Variants in SMC6 observed in about 807,000 individuals in gnomAD.
The protein encoded by SMC6 is structural maintenance of chromosomes protein 6.
Under a neutral mutation model 142.2 loss-of-function variants are expected in SMC6, and 79 were observed. The ratio of observed to expected loss-of-function variants is 0.56; its 90% CI spans 0.46 to 0.67. The LOEUF is 0.67. Among genes scored for constraint, SMC6 ranks in the 30% least tolerant of loss-of-function variants. SMC6 has a pLI of 0.00. For synonymous variants in SMC6, 411 were observed against 412.4 expected (o/e 1.00, Z 0.04); for missense variants, 1,072 against 1,284.0 (o/e 0.83, Z 2.52).
intron 9 of SMC6, 113 bp from the exon 10 acceptor site, chr2:17,721,374 G>A (rs538404485): frequency 9.7e-6 from 10 of 1,026,890 alleles, no homozygotes; most frequent in East Asian, 3.0e-5. Context: ...ATAAATATTC[G>A]TTTAAAAATA....
chr2:17,693,665 G>A (rs1441973086), intron 23 of SMC6, among the ~76,000 whole-genome samples: 2 of 151,812 alleles, frequency 1.3e-5, no homozygotes, highest in African/African-American at 4.8e-5. Flanking sequence ...TTGTGCACAT[G>A]TACCCTAAAA....
At chr2:17,736,752 G>T (rs1345391976) in intron 5 of SMC6, among the ~76,000 whole-genome samples, 1 of 151,518 alleles carries the variant, frequency 6.6e-6, no homozygotes, top group Admixed American at 6.6e-5. Context: ...CATGGCTGTA[G>T]TCCCAGCTAC....
intron 4 of SMC6, among the ~76,000 whole-genome samples, chr2:17,739,845 G>GAC (rs776038205): frequency 0.011 from 1,257 of 110,518 alleles, 14 homozygotes; most frequent in South Asian, 0.052. Flanking sequence ...CACACACACA[G>GAC]ACACACACAC....
chr2:17,684,776 T>C (rs1032851763), intron 23 of SMC6, among the ~76,000 whole-genome samples: 1 of 152,050 alleles, frequency 6.6e-6, no homozygotes, highest in African/African-American at 2.4e-5. Flanking sequence ...CAGTGAGCCA[T>C]GATTGTACCA....
chr2:17,726,415 A>T lies in SMC6; in HGVS notation c.598T>A (p.Ser200Thr), dbSNP rs1669628071. ...TTGTATTTGTCTCCTTCATTTTTAG[A>T]CTGTAAGAACTGCTTGCTCATTTCT... Reference protein sequence around the residue: ...TQEMSKQFLQSKNEGDKYKFF... With the variant: ...TQEMSKQFLQTKNEGDKYKFF... Residue 200 changes from serine to threonine, a missense_variant, in exon 8 of 28, where the codon TCT becomes ACT. By Grantham distance (58) the Ser-to-Thr change is moderately conservative. This residue lies in a region of SMC6 where 994 missense variants were observed against 1,153.2 expected (regional missense o/e 0.86). Transcript: ENST00000448223. 6.2e-7 allele frequency: 1 copy of T among 1,611,860 alleles called. No individual in the cohort carries two copies. Among genetic ancestry groups the T allele is most frequent in the Non-Finnish European group, 8.5e-7 (1 of 1,179,360 alleles).
At chr2:17,728,281 C>T (rs1306329410) in intron 7 of SMC6, among the ~76,000 whole-genome samples, 4 of 152,002 alleles carry the variant, frequency 2.6e-5, no homozygotes, top group African/African-American at 9.7e-5. Flanking sequence ...ACAAAAAGTA[C>T]AAAAATTAGC....
intron 2 of SMC6, among the ~76,000 whole-genome samples, chr2:17,749,674 C>T (rs1043715402): frequency 2.6e-5 from 4 of 151,438 alleles, no homozygotes; most frequent in African/African-American, 2.4e-5. Context: ...GGTGACAGAG[C>T]GATACTCCGT....
intron 16 of SMC6, among the ~76,000 whole-genome samples, chr2:17,714,528 G>C (rs1193827768): frequency 6.6e-6 from 1 of 152,152 alleles, no homozygotes; most frequent in East Asian, 1.9e-4. Context: ...AACACCTTCA[G>C]AATTTAACTG....
At chr2:17,723,023 G>A (rs4619612) in intron 9 of SMC6, among the ~76,000 whole-genome samples, 75,790 of 148,788 alleles carry the variant, frequency 0.51, 21,641 homozygotes, top group African/African-American at 0.77. Context: ...AGAAAAGAAA[G>A]GAAAAAAAAA....
rs1270287408 is a variant in SMC6, at chr2:17,753,809, C to A, written c.-276G>T. On this transcript the variant is annotated 5_prime_UTR_variant, in exon 1 of 28. Transcript: ENST00000448223. ...GCCCCGGCGCCCACCGCGGTACTAA[C>A]CGCGCCTGCGCCCCGCCCTCCCTCC... is the stretch of plus-strand genomic sequence containing the variant. The A allele has an allele frequency of 6.6e-6, 1 of 152,300 alleles. No homozygotes were observed. The highest frequency in any genetic ancestry group is 1.5e-5 in the Non-Finnish European group (1 of 68,134). The allele number at this position is 152,300 out of a possible 1,614,324, so 9.4% of individuals were successfully genotyped here. A position where few individuals can be genotyped will look rare whatever the true frequency, so the allele number is the denominator to read the frequency against.
At chr2:17,675,362 G>C (rs1173104817) in intron 25 of SMC6, among the ~76,000 whole-genome samples, 1 of 152,030 alleles carries the variant, frequency 6.6e-6, no homozygotes, top group African/African-American at 2.4e-5. Flanking sequence ...AGACTTGGGT[G>C]TCTATTCAGC....
chr2:17,684,595 G>T (rs1667367709), intron 23 of SMC6, among the ~76,000 whole-genome samples: 1 of 152,188 alleles, frequency 6.6e-6, no homozygotes, highest in African/African-American at 2.4e-5. Flanking sequence ...AGGCCAAGAT[G>T]AGAGGATCGT....
At chr2:17,746,964 T>C (rs1027120309) in intron 2 of SMC6, among the ~76,000 whole-genome samples, 1 of 152,184 alleles carries the variant, frequency 6.6e-6, no homozygotes, top group African/African-American at 2.4e-5. Context: ...ATACCATGTA[T>C]ATACCTGGCT....
chr2:17,667,788 C>T lies in SMC6; in HGVS notation c.3064-1271G>A, dbSNP rs557006999. Among the ~76,000 whole-genome samples the T allele has an allele frequency of 9.2e-5, 14 of 152,178 alleles. No homozygotes were observed. In the South Asian group the frequency reaches 1.9e-3, roughly 20 times the overall value. ...TCAATTGAATCCAGGAGGCGGAGGTCGCAGTGAGCTGAAATCACGCCACTG... is the reference window on the plus strand; with the variant it reads ...TCAATTGAATCCAGGAGGCGGAGGTTGCAGTGAGCTGAAATCACGCCACTG... On this transcript the variant is annotated intron_variant, in intron 26 of 27. Coordinates refer to ENST00000448223, the MANE Select transcript of SMC6 (RefSeq NM_001142286.2).
intron 5 of SMC6, 29 bp from the exon 6 acceptor site, chr2:17,731,906 A>G (rs1669930866): frequency 1.2e-6 from 2 of 1,605,384 alleles, no homozygotes; most frequent in Non-Finnish European, 1.7e-6. Flanking sequence ...GCTAAGTTAC[A>G]TGAAGATACA....
intron 17 of SMC6, 79 bp from the exon 18 acceptor site, chr2:17,707,458 G>A (rs973034103): frequency 1.1e-5 from 9 of 829,668 alleles, no homozygotes; most frequent in East Asian, 3.2e-5. Flanking sequence ...AATGTTACTC[G>A]TCCTTATTAT....
Position 17,707,252 on chromosome 2 carries a change from T to C in SMC6, c.1973A>G (p.Lys658Arg). ...RYYSSENTRP[K>R]FLSRDVDSEI... ...AGAATCCACATCTCTGCTTAGGAAC[T>C]TAGGTCTTGTATTTTCAGATGAATA... The change falls in exon 18 of 28, where the codon AAG becomes AGG. Residue 658 changes from lysine (K) to arginine (R), a missense_variant. Coordinates refer to ENST00000448223, the MANE Select transcript of SMC6 (RefSeq NM_001142286.2). 1 of 1,601,010 alleles carries C rather than the reference T, an allele frequency of 6.2e-7. No homozygotes were observed. Among genetic ancestry groups the C allele is most frequent in the Non-Finnish European group, 8.5e-7 (1 of 1,174,664 alleles).
At chr2:17,747,838 G>C (rs1670831592) in intron 2 of SMC6, among the ~76,000 whole-genome samples, 1 of 152,020 alleles carries the variant, frequency 6.6e-6, no homozygotes, top group Non-Finnish European at 1.5e-5. Flanking sequence ...GGGACACACA[G>C]TATATATTCC....
intron 17 of SMC6, among the ~76,000 whole-genome samples, 158 bp downstream of exon 17, chr2:17,708,481 T>C (rs1668662258): frequency 6.6e-6 from 1 of 152,106 alleles, no homozygotes; most frequent in African/African-American, 2.4e-5. Context: ...ATCAACCAGT[T>C]TCTATATTAT....
Sources: gnomAD v4.1 joint callset for allele counts (sites outside exome capture counted in the v4.1 genomes callset) on GRCh38, gnomAD v4.1.1 for gene constraint, gnomAD v4.1.1 regional missense constraint, MANE v1.5 for transcripts, NCBI Gene and HGNC (gene_info 2026-07-23, HGNC 2026-07-21) for gene names.